The following C12orf42 variants were observed in gnomAD, a reference collection of about 807,000 sequenced individuals.
C12orf42 encodes chromosome 12 open reading frame 42, also known as uncharacterized protein C12orf42.
In C12orf42, 25 loss-of-function variants were observed where a neutral mutation model predicts 21.6. The observed-to-expected ratio is 1.16, with a 90% CI of 0.84 to 1.62. C12orf42 has a LOEUF of 1.62. C12orf42 is among the 40% of genes most tolerant of loss of function. C12orf42 has a pLI of 0.00. For missense variants in C12orf42, 483 were observed against 459.3 expected (o/e 1.05, Z -0.47); for synonymous variants, 174 against 175.0 (o/e 0.99, Z 0.05).
intron 4 of C12orf42, among the ~76,000 whole-genome samples, chr12:103,345,884 G>T (rs936124127): frequency 6.6e-6 from 1 of 152,142 alleles, no homozygotes; most frequent in Admixed American, 6.5e-5. Context: ...AATACTCTAT[G>T]ATTACTACTG....
chr12:103,545,533 G>C, the C12orf42 span, among the ~76,000 whole-genome samples: 21 of 152,110 alleles, frequency 1.4e-4, no homozygotes, highest in Non-Finnish European at 4.4e-5. Context: ...ATTTAAGAGG[G>C]AAAATATACA....
chr12:103,158,378 G>A, the C12orf42 span, among the ~76,000 whole-genome samples: 1 of 152,080 alleles, frequency 6.6e-6, no homozygotes, highest in African/African-American at 2.4e-5. Context: ...TAGCTTCTGC[G>A]CTGACCACTC....
intron 4 of C12orf42, among the ~76,000 whole-genome samples, chr12:103,364,058 G>C (rs1040775104): frequency 2.0e-5 from 3 of 152,012 alleles, no homozygotes; most frequent in African/African-American, 7.2e-5. Context: ...ATTCATCAGT[G>C]CATGGAACTC....
intron 2 of C12orf42, among the ~76,000 whole-genome samples, chr12:103,427,431 A>G (rs567830734): frequency 2.2e-4 from 33 of 152,204 alleles, no homozygotes; most frequent in East Asian, 2.1e-3. Flanking sequence ...AGAGCTAACT[A>G]TCTTAAATAT....
chr12:103,232,422 G>T, the C12orf42 span, among the ~76,000 whole-genome samples: 53 of 151,862 alleles, frequency 3.5e-4, no homozygotes, highest in African/African-American at 1.3e-3. Flanking sequence ...TTTTTTAAAA[G>T]TTTTGGCTGG....
chr12:103,049,637 C>T, the C12orf42 span, among the ~76,000 whole-genome samples: 1 of 152,116 alleles, frequency 6.6e-6, no homozygotes, highest in Admixed American at 6.5e-5. Flanking sequence ...CTCTCAATGG[C>T]CTTTGATAAA....
At chr12:103,440,431 TA>T (rs1320367312) in intron 2 of C12orf42, among the ~76,000 whole-genome samples, 1 of 25,134 alleles carries the variant, frequency 4.0e-5, no homozygotes, top group Non-Finnish European at 8.0e-5. Flanking sequence ...TAAAATAAAA[TA>T]AATAAATAAA....
intron 2 of C12orf42, among the ~76,000 whole-genome samples, chr12:103,436,708 TA>T (rs1950747368): frequency 6.6e-6 from 1 of 152,140 alleles, no homozygotes; most frequent in South Asian, 2.1e-4. Flanking sequence ...CTAACTATCC[TA>T]AATATATATG....
the C12orf42 span, among the ~76,000 whole-genome samples, chr12:103,513,156 G>A: frequency 2.4e-4 from 36 of 152,220 alleles, no homozygotes; most frequent in East Asian, 1.4e-3. Flanking sequence ...CAGGTGTTCC[G>A]GAGCTGGCAC....
chr12:103,082,920 G>C, the C12orf42 span, among the ~76,000 whole-genome samples: 1 of 152,208 alleles, frequency 6.6e-6, no homozygotes, highest in Admixed American at 6.5e-5. Context: ...ATACATAGGT[G>C]GCTAAGCAGG....
chr12:103,268,813 G>T (rs953308459), exon 7 of C12orf42: 1 of 152,158 alleles, frequency 6.6e-6, no homozygotes, highest in African/African-American at 2.4e-5. Context: ...GCATGCATGT[G>T]TCACATATAA....
the C12orf42 span, among the ~76,000 whole-genome samples, chr12:103,546,637 C>T: frequency 9.9e-5 from 15 of 152,278 alleles, no homozygotes; most frequent in Non-Finnish European, 1.6e-4. Context: ...AAATGAAAGA[C>T]GTTGAAGCTT....
chr12:103,220,701 C>T, the C12orf42 span, among the ~76,000 whole-genome samples: 4 of 151,810 alleles, frequency 2.6e-5, no homozygotes, highest in Non-Finnish European at 4.4e-5. Context: ...CGGCCTCCCC[C>T]GCTCCCTCCC....
At chr12:103,101,139 A>G in the C12orf42 span, among the ~76,000 whole-genome samples, 10 of 152,374 alleles carry the variant, frequency 6.6e-5, no homozygotes, top group African/African-American at 2.4e-4. Flanking sequence ...CACAAGGATC[A>G]AAAGAAGACC....
intron 3 of C12orf42, among the ~76,000 whole-genome samples, chr12:103,395,874 T>C (rs2047487332): frequency 6.7e-6 from 1 of 149,618 alleles, no homozygotes; most frequent in African/African-American, 2.4e-5. Context: ...AAAATATATA[T>C]ACACTATATA....
At chr12:103,234,491 C>T (rs2033408296), downstream of C12orf42, among the ~76,000 whole-genome samples, 1 of 152,102 alleles carries the variant, frequency 6.6e-6, no homozygotes, top group Admixed American at 6.5e-5. Context: ...AAGAACAATG[C>T]CAAATGGACC....
intron 5 of C12orf42, chr12:103,270,336 G>C (rs2035386716): frequency 6.7e-6 from 1 of 148,836 alleles, no homozygotes; most frequent in African/African-American, 2.5e-5. Flanking sequence ...GTGGGGGAAG[G>C]GAAGGAAGTA....
chr12:103,506,040 A>G, the C12orf42 span: 1 of 219,996 alleles, frequency 4.5e-6, no homozygotes, highest in Non-Finnish European at 8.9e-6. Flanking sequence ...CATCTTGGTT[A>G]AGCTCTGTTT....
At chr12:103,219,653 T>G in the C12orf42 span, among the ~76,000 whole-genome samples, 1 of 152,124 alleles carries the variant, frequency 6.6e-6, no homozygotes, top group Non-Finnish European at 1.5e-5. Context: ...AACAAACATA[T>G]GAAAAACCGC....
Sources: allele counts gnomAD v4.1 joint callset (sites outside exome capture counted in the v4.1 genomes callset), GRCh38; gene constraint gnomAD v4.1.1; transcripts MANE v1.5; gene names NCBI Gene and HGNC (gene_info 2026-07-23, HGNC 2026-07-21).